NLGN1: variants seen among roughly 807,000 people sequenced by gnomAD.
The protein encoded by NLGN1 is neuroligin 1.
NLGN1 carries 12 observed loss-of-function variants against 65.5 expected under a neutral mutation model. The observed-to-expected ratio is 0.18, with a 90% confidence interval of 0.12 to 0.30. The LOEUF (loss-of-function observed/expected upper bound fraction) is 0.30, where lower values mean the gene tolerates loss of function less well. NLGN1 is among the 10% of genes least tolerant of loss of function. The pLI, the probability that NLGN1 is intolerant of heterozygous loss-of-function variation, is 1.00. For missense variants in NLGN1, 750 were observed against 1,007.1 expected, an observed-to-expected ratio of 0.74 and a Z score of 3.46; for synonymous variants, 350 against 359.5, an observed-to-expected ratio of 0.97 and a Z score of 0.30.
chr3:174,036,046 T>C (rs1034440682), intron 4 of NLGN1, among the ~76,000 whole-genome samples: 9 of 152,182 alleles, frequency 5.9e-5, no homozygotes, highest in African/African-American at 1.9e-4. Flanking sequence ...GGTATCTTCA[T>C]TTGTAAATGT....
chr3:173,659,810 G>A (rs1560120918), intron 3 of NLGN1, among the ~76,000 whole-genome samples: 1 of 151,552 alleles, frequency 6.6e-6, no homozygotes, highest in Non-Finnish European at 1.5e-5. Context: ...TTTCTTCACT[G>A]CTTTCATCAT....
At chr3:173,651,035 T>C (rs1238772257) in intron 3 of NLGN1, among the ~76,000 whole-genome samples, 2 of 152,028 alleles carry the variant, frequency 1.3e-5, no homozygotes, top group African/African-American at 4.8e-5. Flanking sequence ...CTCACTTGAA[T>C]AATATACATT....
At chr3:173,462,076 A>C (rs1272108618) in intron 2 of NLGN1, among the ~76,000 whole-genome samples, 1 of 152,184 alleles carries the variant, frequency 6.6e-6, no homozygotes, top group Non-Finnish European at 1.5e-5. Flanking sequence ...TTAAGTAAAA[A>C]ATAGAATTTT....
chr3:174,246,880 C>T (rs1472717803), intron 4 of NLGN1, among the ~76,000 whole-genome samples: 2 of 152,144 alleles, frequency 1.3e-5, no homozygotes, highest in Admixed American at 6.5e-5. Context: ...CCAAAGAAAG[C>T]ATAGCTGGTT....
At chr3:174,207,266 C>G (rs1448698299) in intron 4 of NLGN1, among the ~76,000 whole-genome samples, 2 of 151,122 alleles carry the variant, frequency 1.3e-5, no homozygotes, top group Non-Finnish European at 2.9e-5. Context: ...AGATAACATG[C>G]TTGGCTGGTG....
chr3:173,800,260 T>TC, intron 3 of NLGN1: 1 of 852,640 alleles, frequency 1.2e-6, no homozygotes, highest in Non-Finnish European at 1.6e-6. Context: ...TGTCTTTTTT[T>TC]TTTTTCCTCC....
chr3:174,205,733 A>G (rs146485458), intron 4 of NLGN1, among the ~76,000 whole-genome samples: 1 of 152,242 alleles, frequency 6.6e-6, no homozygotes, highest in Non-Finnish European at 1.5e-5. Context: ...TAATTTGTAT[A>G]TATTAAATAG....
intron 2 of NLGN1, among the ~76,000 whole-genome samples, chr3:173,469,714 C>T (rs764584670): frequency 1.3e-3 from 204 of 151,912 alleles, no homozygotes; most frequent in Middle Eastern, 3.4e-3. Flanking sequence ...TTCAACACAT[C>T]AGAGTAAAAC....
intron 4 of NLGN1, chr3:173,920,441 C>G (rs996450274): frequency 6.6e-6 from 1 of 152,154 alleles, no homozygotes; most frequent in African/African-American, 2.4e-5. Context: ...ATAGAAGACA[C>G]AGTCTGGCAC....
At chr3:173,797,420 T>C (rs1714345473) in intron 3 of NLGN1, among the ~76,000 whole-genome samples, 2 of 152,114 alleles carry the variant, frequency 1.3e-5, no homozygotes, top group South Asian at 4.1e-4. Context: ...AAAAACTTAC[T>C]GTCATCTAAT....
the NLGN1 span, among the ~76,000 whole-genome samples, chr3:174,293,691 G>A: frequency 6.6e-6 from 1 of 151,552 alleles, no homozygotes; most frequent in Non-Finnish European, 1.5e-5. Context: ...TAGATTCAGG[G>A]GTGAGAGGAA....
intron 3 of NLGN1, among the ~76,000 whole-genome samples, chr3:173,797,874 T>A (rs1050762545): frequency 1.3e-4 from 20 of 152,086 alleles, no homozygotes; most frequent in African/African-American, 4.6e-4. Context: ...AACAATTCTC[T>A]TACTGTTGCA....
intron 2 of NLGN1, among the ~76,000 whole-genome samples, chr3:173,475,497 T>A (rs1726045725): frequency 6.6e-6 from 1 of 152,176 alleles, no homozygotes; most frequent in African/African-American, 2.4e-5. Flanking sequence ...AATATAAGAT[T>A]TAAAATCAGC....
chr3:173,544,765 T>C (rs1284272170), intron 2 of NLGN1, among the ~76,000 whole-genome samples: 1 of 151,770 alleles, frequency 6.6e-6, no homozygotes, highest in Non-Finnish European at 1.5e-5. Context: ...CATGTTATAA[T>C]CAAGAAAGAG....
chr3:173,619,085 G>A (rs1502482), intron 3 of NLGN1, among the ~76,000 whole-genome samples: 141,664 of 152,178 alleles, frequency 0.93, 65,964 homozygotes, highest in South Asian at 0.97. Flanking sequence ...TGGATCCTAC[G>A]AATTATTTAG....
intron 2 of NLGN1, among the ~76,000 whole-genome samples, chr3:173,491,789 T>G (rs1361041642): frequency 1.3e-5 from 2 of 151,774 alleles, no homozygotes; most frequent in Non-Finnish European, 2.9e-5. Flanking sequence ...GAGCATTATT[T>G]CCTTTACTAA....
intron 4 of NLGN1, among the ~76,000 whole-genome samples, chr3:173,948,841 G>A (rs1364427291): frequency 6.6e-6 from 1 of 152,054 alleles, no homozygotes; most frequent in Non-Finnish European, 1.5e-5. Context: ...ACTTGATTAT[G>A]ATAAACTCAA....
intron 2 of NLGN1, among the ~76,000 whole-genome samples, chr3:173,531,507 G>T (rs891391494): frequency 4.0e-5 from 6 of 150,058 alleles, no homozygotes; most frequent in South Asian, 2.1e-4. Context: ...TGATGAACTT[G>T]ATTTTTATTC....
intron 4 of NLGN1, among the ~76,000 whole-genome samples, chr3:173,971,938 A>G (rs1716337459): frequency 6.6e-6 from 1 of 151,954 alleles, no homozygotes. Flanking sequence ...AATGAGATAA[A>G]GAAGACTATG....
Sources: gnomAD v4.1 joint callset for allele counts (sites outside exome capture counted in the v4.1 genomes callset) on GRCh38, gnomAD v4.1.1 for gene constraint, MANE v1.5 for transcripts, NCBI Gene and HGNC (gene_info 2026-07-23, HGNC 2026-07-21) for gene names.